RAI1: variants seen among roughly 807,000 people sequenced by gnomAD.
RAI1 encodes the protein retinoic acid induced 1.
RAI1 carries 9 observed loss-of-function variants against 123.8 expected under a neutral mutation model. The observed-to-expected ratio is 0.07, with a 90% CI of 0.04 to 0.13. The LOEUF is 0.13. Among genes scored for constraint, RAI1 ranks in the 10% least tolerant of loss-of-function variants. The probability of loss-of-function intolerance (pLI) is 1.00; values close to 1 mark genes in which losing one functional copy is unlikely to be tolerated. For missense variants in RAI1, 2,256 were observed against 2,545.8 expected (o/e 0.89, Z 2.45); for synonymous variants, 1,231 against 1,127.3 (o/e 1.09, Z -1.84).
chr17:17,718,423 T>C (rs925198770), intron 1 of RAI1, among the ~76,000 whole-genome samples: 34 of 152,366 alleles, frequency 2.2e-4, no homozygotes, highest in African/African-American at 7.9e-4. Context: ...GCTCTCAGTT[T>C]CACATGGTAG....
intron 1 of RAI1, among the ~76,000 whole-genome samples, chr17:17,706,693 C>T (rs1915405955): frequency 6.6e-6 from 1 of 152,094 alleles, no homozygotes; most frequent in Admixed American, 6.5e-5. Flanking sequence ...ATGGACAGGA[C>T]ATTGAAGTGA....
intron 1 of RAI1, among the ~76,000 whole-genome samples, chr17:17,698,964 C>T (rs1915125507): frequency 1.3e-5 from 2 of 152,186 alleles, no homozygotes; most frequent in African/African-American, 4.8e-5. Context: ...ATGGGAATGC[C>T]GGCTGATCAC....
chr17:17,798,568 G>C, intron 3 of RAI1, 55 bp downstream of exon 3: 1 of 1,591,260 alleles, frequency 6.3e-7, no homozygotes. Flanking sequence ...GGACAGGCAG[G>C]CAGGCAGTCG....
intron 2 of RAI1, among the ~76,000 whole-genome samples, chr17:17,788,284 T>C (rs963394869): frequency 3.9e-5 from 6 of 152,156 alleles, no homozygotes; most frequent in African/African-American, 1.2e-4. Flanking sequence ...GACCCTAACC[T>C]GTCCCAGAAG....
Position 17,793,464 on chromosome 17 carries a change from C to G in RAI1, c.516C>G (p.His172Gln), listed in dbSNP as rs147481626. ...TGCCCTTTCGGACTCACTCCCTGCA[C>G]GTCCAGCAGCCACCGCCGCCCCAGC... ...AQVPFRTHSL[H>Q]VQQPPPPQQP... is the part of the protein sequence containing the mutation. The change falls in exon 3 of 6, where the codon CAC becomes CAG. Residue 172 changes from histidine to glutamine, a missense_variant. Around this residue, in one of 7 missense-constraint regions of RAI1, gnomAD observed 336 missense variants for 349.8 expected, o/e 0.96. Transcript: ENST00000353383. 2 of 1,613,248 alleles carry G rather than the reference C, an allele frequency of 1.2e-6. No individual in the cohort carries two copies. The highest frequency in any genetic ancestry group is 1.7e-6 in the Non-Finnish European group (2 of 1,179,690).
chr17:17,724,436 G>A (rs1348898676), intron 2 of RAI1, among the ~76,000 whole-genome samples: 2 of 75,438 alleles, frequency 2.7e-5, no homozygotes, highest in African/African-American at 5.2e-5. Flanking sequence ...GGCCGCTTTT[G>A]GCCACAGTTT....
At chr17:17,737,075 T>TGGAG (rs1410411981) in intron 2 of RAI1, among the ~76,000 whole-genome samples, 3 of 152,216 alleles carry the variant, frequency 2.0e-5, no homozygotes, top group Non-Finnish European at 4.4e-5. Context: ...GGAGATAAGA[T>TGGAG]GGAGCATTTC....
chr17:17,752,260 C>T (rs1156559798), intron 2 of RAI1, among the ~76,000 whole-genome samples: 3 of 152,224 alleles, frequency 2.0e-5, no homozygotes, highest in Non-Finnish European at 4.4e-5. Flanking sequence ...CTCGTATTTC[C>T]TGCCTTTTGT....
intron 1 of RAI1, among the ~76,000 whole-genome samples, chr17:17,686,606 T>TGTGTGC (rs1914645702): frequency 7.3e-6 from 1 of 137,258 alleles, no homozygotes; most frequent in Non-Finnish European, 1.5e-5. Flanking sequence ...TGTGTGTGTG[T>TGTGTGC]GTGCACGCGC....
At chr17:17,779,291 C>T (rs933718338) in intron 2 of RAI1, 3 of 285,816 alleles carry the variant, frequency 1.0e-5, no homozygotes, top group Non-Finnish European at 2.1e-5. Flanking sequence ...GGGGACTGGC[C>T]AGGATCCGCA....
At chr17:17,785,846 C>A (rs566230296) in intron 2 of RAI1, among the ~76,000 whole-genome samples, 4 of 152,338 alleles carry the variant, frequency 2.6e-5, no homozygotes, top group Admixed American at 6.5e-5. Flanking sequence ...GCCATCGAGC[C>A]CATGCAGATC....
At chr17:17,783,753 C>G (rs1051118092) in intron 2 of RAI1, among the ~76,000 whole-genome samples, 1 of 151,232 alleles carries the variant, frequency 6.6e-6, no homozygotes, top group Non-Finnish European at 1.5e-5. Context: ...CCCCCTCCAC[C>G]TCGATGGGGT....
rs1188019050 is a variant in RAI1 at position 17,810,223 on chromosome 17, T to C, written c.*242T>C. The C allele has an allele frequency of 5.1e-6, 3 of 585,028 alleles. No individual in the cohort carries two copies. In the East Asian group the frequency reaches 9.5e-5, roughly 19 times the overall value. 36.2% of individuals were successfully genotyped at this position (585,028 alleles called of 1,614,324 possible). A position where few individuals can be genotyped will look rare whatever the true frequency, so the allele number is the denominator to read the frequency against. On this transcript the variant is annotated 3_prime_UTR_variant, in exon 6 of 6. Transcript: ENST00000353383. This position sits in a 1 kb window ranked among gnomAD's most constrained non-coding sequence, Gnocchi z 4.6. ...TCCCGGAACCGGACGGCACAGGGCGTTCTTGCCCACCCCAGGGGCCAGGCT... is the reference window on the plus strand; with the variant it reads ...TCCCGGAACCGGACGGCACAGGGCGCTCTTGCCCACCCCAGGGGCCAGGCT...
chr17:17,769,568 C>T (rs554135385), intron 2 of RAI1, among the ~76,000 whole-genome samples: 5 of 152,304 alleles, frequency 3.3e-5, no homozygotes, highest in South Asian at 2.1e-4. Flanking sequence ...AGGCTAGGGA[C>T]GAGGAGATCC....
intron 2 of RAI1, among the ~76,000 whole-genome samples, chr17:17,753,944 C>T (rs1386192941): frequency 6.6e-6 from 1 of 152,222 alleles, no homozygotes; most frequent in Non-Finnish European, 1.5e-5. Flanking sequence ...CACACTTCAA[C>T]TTTGCATTGG....
chr17:17,707,739 C>T (rs555240176), intron 1 of RAI1, among the ~76,000 whole-genome samples: 12 of 152,306 alleles, frequency 7.9e-5, no homozygotes, highest in East Asian at 3.9e-4. Context: ...ACCACAGATG[C>T]GTGCCACCAT....
At chr17:17,737,970 C>T (rs1249045072) in intron 2 of RAI1, among the ~76,000 whole-genome samples, 1 of 152,114 alleles carries the variant, frequency 6.6e-6, no homozygotes, top group Admixed American at 6.5e-5. Context: ...GGAGGGGGCG[C>T]CCCCCACCCT....
chr17:17,809,277 C>G lies in RAI1; in HGVS notation c.5660-113C>G. The G allele has an allele frequency of 1.1e-6, 1 of 901,516 alleles. No individual in the cohort carries two copies. The highest frequency in any genetic ancestry group is 1.9e-6 in the Non-Finnish European group (1 of 535,348). The allele number at this position is 901,516 out of a possible 1,614,324, so 55.8% of individuals were successfully genotyped here. ...CTGATTAACTCTTTGAAAAGAGCCC[C>G]TGCAGTCTGGAGCCTCGCGGGCAGT... On this transcript the variant is annotated intron_variant, in intron 4 of 5. Transcript: ENST00000353383. This position sits in a 1 kb window ranked among gnomAD's most constrained non-coding sequence, Gnocchi z 4.9.
intron 2 of RAI1, among the ~76,000 whole-genome samples, chr17:17,752,337 C>T (rs2030216760): frequency 6.6e-6 from 1 of 152,316 alleles, no homozygotes; most frequent in South Asian, 2.1e-4. Context: ...TGCGGAGGGG[C>T]GGGGCGGGGT....
Sources: allele counts gnomAD v4.1 joint callset (sites outside exome capture counted in the v4.1 genomes callset), GRCh38; gene constraint gnomAD v4.1.1; regional missense constraint gnomAD v4.1.1; non-coding constraint Gnocchi (gnomAD v3.1); transcripts MANE v1.5; gene names NCBI Gene and HGNC (gene_info 2026-07-23, HGNC 2026-07-21).